Variants in DST observed in about 807,000 individuals in gnomAD.
DST encodes bullous pemphigoid antigen.
In DST, 253 loss-of-function variants were observed where a neutral mutation model predicts 875.2. The observed-to-expected ratio is 0.29, with a 90% CI of 0.26 to 0.32. The LOEUF (loss-of-function observed/expected upper bound fraction) is 0.32, where lower values mean the gene tolerates loss of function less well. Ranked by LOEUF, DST falls within the 10% of genes least tolerant of loss-of-function variation. The pLI, the probability that DST is intolerant of heterozygous loss-of-function variation, is 1.00. For missense variants in DST, 8,287 were observed against 9,111.6 expected (o/e 0.91, Z 3.68); for synonymous variants, 3,124 against 3,197.1 (o/e 0.98, Z 0.77).
chr6:56,693,763 A>C (rs1314835571), intron 9 of DST, among the ~76,000 whole-genome samples: 1 of 152,082 alleles, frequency 6.6e-6, no homozygotes, highest in Non-Finnish European at 1.5e-5. Context: ...GATCTCTGTA[A>C]ATTTTATTAA....
chr6:56,813,396 A>T (rs1229599001), intron 4 of DST, among the ~76,000 whole-genome samples: 10 of 145,970 alleles, frequency 6.9e-5, no homozygotes, highest in Non-Finnish European at 3.0e-5. Flanking sequence ...ATAATAAAAA[A>T]AAAAATAAAA....
chr6:56,641,913 A>C, intron 17 of DST, 34 bp downstream of exon 17: 1 of 1,548,666 alleles, frequency 6.5e-7, no homozygotes, highest in Non-Finnish European at 8.7e-7. Context: ...GTTACACAAA[A>C]AAAGGACAGA....
At chr6:56,536,159 G>A (rs1265036691) in intron 62 of DST, among the ~76,000 whole-genome samples, 1 of 152,164 alleles carries the variant, frequency 6.6e-6, no homozygotes, top group Non-Finnish European at 1.5e-5. Flanking sequence ...GCCTGCCATC[G>A]TATGTCAGCA....
chr6:56,579,635 G>A (rs1036058999), intron 49 of DST, among the ~76,000 whole-genome samples: 1 of 152,110 alleles, frequency 6.6e-6, no homozygotes, highest in Non-Finnish European at 1.5e-5. Context: ...AGAAAGTGTG[G>A]ATTTGGGAGA....
chr6:56,466,434 C>A, intron 98 of DST: 1 of 323,532 alleles, frequency 3.1e-6, no homozygotes, highest in Non-Finnish European at 5.6e-6. Flanking sequence ...AGTATACTAC[C>A]AAAGCTTTGG....
At chr6:56,858,295 T>G (rs1769062906) in intron 3 of DST, among the ~76,000 whole-genome samples, 1 of 152,154 alleles carries the variant, frequency 6.6e-6, no homozygotes, top group Admixed American at 6.5e-5. Context: ...AAAGGTTTCT[T>G]TCTAGGTAGA....
chr6:56,503,926 T>C (rs1404876364), intron 78 of DST, 71 bp downstream of exon 78: 6 of 1,018,318 alleles, frequency 5.9e-6, no homozygotes, highest in South Asian at 1.7e-5. Context: ...AATAAATTTA[T>C]GTACAAAATT....
At chr6:56,583,206 C>G (rs1183470655) in intron 49 of DST, among the ~76,000 whole-genome samples, 1 of 152,146 alleles carries the variant, frequency 6.6e-6, no homozygotes, top group Non-Finnish European at 1.5e-5. Flanking sequence ...GTTTACAGTC[C>G]CACCAACAGT....
chr6:56,678,841 T>C (rs370738947), intron 9 of DST, among the ~76,000 whole-genome samples: 2 of 152,340 alleles, frequency 1.3e-5, no homozygotes, highest in African/African-American at 4.8e-5. Context: ...AACGGGCCTT[T>C]GTCTGCCATT....
chr6:56,851,598 C>T lies in DST; in HGVS notation c.424G>A (p.Gly142Arg), dbSNP rs751982741. Residue 142 changes from glycine (G) to arginine (R), a missense_variant, in exon 4 of 104, where the codon GGG becomes AGG. Physicochemically the swap from Gly to Arg is moderately radical, Grantham distance 125. Coordinates refer to ENST00000680361, the MANE Select transcript of DST (RefSeq NM_001374736.1). ...QGASIRRPSS[G>R]NASYRCSMSS... is the part of the protein sequence containing the mutation. ...ATAGAGCAGCGATAGGACGCGTTCC[C>T]GGAACTCTACAGAGAATGACACAGA... 4 of 1,613,700 alleles carry T rather than the reference C, an allele frequency of 2.5e-6. No individual in the cohort carries two copies. Among genetic ancestry groups the T allele is most frequent in the African/African-American group, 2.7e-5 (2 of 75,044 alleles).
intron 4 of DST, chr6:56,851,192 C>T (rs147976944): frequency 1.7e-6 from 1 of 574,014 alleles, no homozygotes; most frequent in African/African-American, 1.9e-5. Context: ...GAAGGCAGGG[C>T]CAAACAGCTT....
intron 46 of DST, 101 bp downstream of exon 46, chr6:56,598,375 A>T (rs2152697496): frequency 5.7e-6 from 4 of 701,982 alleles, no homozygotes; most frequent in Non-Finnish European, 8.6e-6. Context: ...AATAATCCTT[A>T]GTGATAATCC....
chr6:56,540,367 T>C (rs930557160), intron 61 of DST: 2 of 152,674 alleles, frequency 1.3e-5, no homozygotes, highest in Non-Finnish European at 2.9e-5. Context: ...TTCTTGCTGA[T>C]ACGAATTTCA....
At chr6:56,720,430 T>C (rs1455010144) in intron 5 of DST, among the ~76,000 whole-genome samples, 2 of 150,606 alleles carry the variant, frequency 1.3e-5, no homozygotes, top group African/African-American at 2.4e-5. Context: ...CATAGGACAA[T>C]AGTGGAGAGA....
intron 15 of DST, among the ~76,000 whole-genome samples, chr6:56,644,461 T>C (rs1415329438): frequency 6.9e-6 from 1 of 145,122 alleles, no homozygotes; most frequent in Non-Finnish European, 1.5e-5. Flanking sequence ...ACTGAGCACC[T>C]CTAATGTTGT....
intron 9 of DST, among the ~76,000 whole-genome samples, chr6:56,678,368 C>A (rs1325865238): frequency 6.6e-6 from 1 of 152,186 alleles, no homozygotes; most frequent in African/African-American, 2.4e-5. Context: ...CTAGCTAAAC[C>A]AATTATCTGG....
chr6:56,556,796 G>A (rs975730686), intron 59 of DST, among the ~76,000 whole-genome samples: 1 of 152,064 alleles, frequency 6.6e-6, no homozygotes, highest in African/African-American at 2.4e-5. Flanking sequence ...AACTAGACTA[G>A]TCTAACTAAC....
intron 5 of DST, among the ~76,000 whole-genome samples, chr6:56,710,281 C>A (rs1000068793): frequency 6.6e-6 from 1 of 152,050 alleles, no homozygotes; most frequent in Admixed American, 6.6e-5. Context: ...CAGTAGGGAG[C>A]AAAACATCAG....
chr6:56,622,923 T>C (rs2098703497), intron 36 of DST, among the ~76,000 whole-genome samples: 1 of 152,234 alleles, frequency 6.6e-6, no homozygotes. Flanking sequence ...TATGGAAAAT[T>C]CTGCTTTAGA....
Sources: allele counts gnomAD v4.1 joint callset (sites outside exome capture counted in the v4.1 genomes callset), GRCh38; gene constraint gnomAD v4.1.1; transcripts MANE v1.5; gene names NCBI Gene and HGNC (gene_info 2026-07-23, HGNC 2026-07-21).